RABGAP1L: variants seen among roughly 807,000 people sequenced by gnomAD.
RABGAP1L encodes RAB GTPase activating protein 1 like.
A neutral mutation model predicts 137.7 loss-of-function variants in RABGAP1L; 63 were observed. The ratio of observed to expected loss-of-function variants is 0.46; its 90% confidence interval spans 0.37 to 0.56. The LOEUF is 0.56. RABGAP1L is among the 20% of genes least tolerant of loss of function. RABGAP1L has a pLI of 0.00. For missense variants in RABGAP1L, 1,095 were observed against 1,244.0 expected (o/e 0.88, Z 1.80); for synonymous variants, 431 against 433.7 (o/e 0.99, Z 0.08).
At chr1:174,676,465 T>C (rs1677634996) in intron 14 of RABGAP1L, among the ~76,000 whole-genome samples, 1 of 152,202 alleles carries the variant, frequency 6.6e-6, no homozygotes, top group South Asian at 2.1e-4. Context: ...AAATAGTTTT[T>C]GTGACAAAGC....
intron 13 of RABGAP1L, among the ~76,000 whole-genome samples, chr1:174,624,360 T>G (rs1672783192): frequency 6.6e-6 from 1 of 152,226 alleles, no homozygotes; most frequent in African/African-American, 2.4e-5. Context: ...ATATATTTCT[T>G]TCCATTGATA....
intron 14 of RABGAP1L, among the ~76,000 whole-genome samples, chr1:174,654,989 A>G (rs1415273132): frequency 6.6e-6 from 1 of 152,162 alleles, no homozygotes; most frequent in Non-Finnish European, 1.5e-5. Flanking sequence ...TGATACTGTT[A>G]AATTTATATA....
At chr1:174,635,547 C>G (rs977457381) in intron 13 of RABGAP1L, among the ~76,000 whole-genome samples, 2 of 152,134 alleles carry the variant, frequency 1.3e-5, no homozygotes, top group African/African-American at 4.8e-5. Context: ...CCCCACCCCA[C>G]CCTGCAGTTT....
intron 18 of RABGAP1L, among the ~76,000 whole-genome samples, chr1:174,801,530 A>T (rs957740155): frequency 1.3e-5 from 2 of 152,246 alleles, no homozygotes; most frequent in South Asian, 4.1e-4. Context: ...ATAGCCATGT[A>T]AATAAGAAAT....
chr1:174,661,757 A>G (rs1676387228), intron 14 of RABGAP1L, among the ~76,000 whole-genome samples: 1 of 152,200 alleles, frequency 6.6e-6, no homozygotes, highest in Admixed American at 6.5e-5. Flanking sequence ...GACTGCATTT[A>G]CAATGGTGGT....
At chr1:174,447,413 G>C (rs993502036) in intron 13 of RABGAP1L, among the ~76,000 whole-genome samples, 8 of 152,084 alleles carry the variant, frequency 5.3e-5, no homozygotes, top group Non-Finnish European at 2.9e-5. Context: ...AACTTTGATA[G>C]AGTTGTTTTT....
chr1:174,746,839 A>C (rs1015080308), intron 17 of RABGAP1L, among the ~76,000 whole-genome samples: 1 of 152,202 alleles, frequency 6.6e-6, no homozygotes, highest in African/African-American at 2.4e-5. Context: ...TGAAATAGGG[A>C]CATGCCTTTA....
At chr1:174,447,906 C>G (rs567064175) in intron 13 of RABGAP1L, among the ~76,000 whole-genome samples, 1 of 132,390 alleles carries the variant, frequency 7.6e-6, no homozygotes, top group South Asian at 3.2e-4. Context: ...CCCCCACCCC[C>G]CCGCCCGAAA....
chr1:174,978,655 A>G (rs942022709), intron 22 of RABGAP1L, among the ~76,000 whole-genome samples, 152 bp from the exon 23 acceptor site: 8 of 152,226 alleles, frequency 5.3e-5, no homozygotes, highest in Admixed American at 5.2e-4. Context: ...ACTTTTTCAG[A>G]TTATCAAGAT....
At chr1:174,344,767 C>T (rs113291918) in intron 11 of RABGAP1L, among the ~76,000 whole-genome samples, 22 of 152,030 alleles carry the variant, frequency 1.4e-4, no homozygotes, top group Non-Finnish European at 3.1e-4. Context: ...GTGAATTATC[C>T]ACTTACCAGA....
At chr1:174,392,674 A>G (rs1373823780) in intron 12 of RABGAP1L, among the ~76,000 whole-genome samples, 2 of 152,218 alleles carry the variant, frequency 1.3e-5, no homozygotes, top group Non-Finnish European at 2.9e-5. Context: ...AGTATGGGGA[A>G]AGCAAGGAAT....
chr1:174,566,864 G>A (rs1051016648), intron 13 of RABGAP1L, among the ~76,000 whole-genome samples: 1 of 152,066 alleles, frequency 6.6e-6, no homozygotes, highest in African/African-American at 2.4e-5. Flanking sequence ...TTTGAAAAGA[G>A]TATGAAACAA....
intron 12 of RABGAP1L, among the ~76,000 whole-genome samples, chr1:174,383,685 T>C (rs959034594): frequency 6.6e-6 from 1 of 152,110 alleles, no homozygotes; most frequent in African/African-American, 2.4e-5. Context: ...CTGCACCCAC[T>C]GTCTGGCACT....
chr1:174,906,900 GA>G (rs59299069), intron 19 of RABGAP1L, among the ~76,000 whole-genome samples: 54,439 of 146,588 alleles, frequency 0.37, 12,712 homozygotes, highest in African/African-American at 0.68. Context: ...AGTGCTCAAA[GA>G]AAAAAAAAAA....
intron 11 of RABGAP1L, among the ~76,000 whole-genome samples, chr1:174,356,259 T>C (rs1002481114): frequency 6.6e-6 from 1 of 152,180 alleles, no homozygotes; most frequent in African/African-American, 2.4e-5. Context: ...ATAGAACCTA[T>C]TGTTGCCTAT....
intron 13 of RABGAP1L, among the ~76,000 whole-genome samples, chr1:174,400,486 C>T (rs1571622069): frequency 6.6e-6 from 1 of 152,038 alleles, no homozygotes; most frequent in East Asian, 1.9e-4. Context: ...TTTTTCCCTC[C>T]TAAGAGGAGC....
intron 19 of RABGAP1L, among the ~76,000 whole-genome samples, chr1:174,887,943 A>C (rs1166240005): frequency 1.3e-5 from 2 of 152,118 alleles, no homozygotes; most frequent in African/African-American, 4.8e-5. Context: ...AGGCTGAGGC[A>C]AGAGAATTGC....
At chr1:174,335,003 T>A (rs982721027) in intron 11 of RABGAP1L, among the ~76,000 whole-genome samples, 1 of 152,156 alleles carries the variant, frequency 6.6e-6, no homozygotes, top group African/African-American at 2.4e-5. Context: ...TCTCTTAAAA[T>A]TTTTTCACTT....
rs141332630 is a variant in RABGAP1L, at chr1:174,326,625, G to A, written c.1465+21498G>A. On this transcript the variant is annotated intron_variant, in intron 11 of 25. Transcript: ENST00000681986. The stretch of plus-strand genomic sequence containing the variant: ...TCGAGAGGGACTGGAGTAGGGGAAG[G>A]GGATAGAAAGCTTTTTCAAAGAAGC... Among the ~76,000 whole-genome samples the A allele has an allele frequency of 6.8e-4, 104 of 152,150 alleles. 1 individual carries two copies. The highest frequency in any genetic ancestry group is 2.3e-3 in the African/African-American group (95 of 41,518).
Sources: allele counts gnomAD v4.1 joint callset (sites outside exome capture counted in the v4.1 genomes callset), GRCh38; gene constraint gnomAD v4.1.1; transcripts MANE v1.5; gene names NCBI Gene and HGNC (gene_info 2026-07-23, HGNC 2026-07-21).